Variants in DDC observed in about 807,000 individuals in gnomAD.
DDC encodes dopa decarboxylase.
A neutral mutation model predicts 60.0 loss-of-function variants in DDC; 43 were observed. That is an observed-to-expected ratio of 0.72 (90% CI 0.56 to 0.92). The LOEUF is 0.92. Ranked by LOEUF, DDC falls within the 40% of genes least tolerant of loss-of-function variation. DDC has a pLI of 0.00. For synonymous variants in DDC, 232 were observed against 234.6 expected, an observed-to-expected ratio of 0.99 and a Z score of 0.10; for missense variants, 573 against 620.2, an observed-to-expected ratio of 0.92 and a Z score of 0.81.
At chr7:50,462,360 C>T (rs958187852) in intron 14 of DDC, among the ~76,000 whole-genome samples, 2 of 151,766 alleles carry the variant, frequency 1.3e-5, no homozygotes, top group African/African-American at 4.8e-5. Context: ...ATTTTAAATA[C>T]CCTCCATGTT....
intron 4 of DDC, among the ~76,000 whole-genome samples, chr7:50,534,629 A>T (rs1302786543): frequency 6.6e-6 from 1 of 151,804 alleles, no homozygotes; most frequent in Admixed American, 6.6e-5. Context: ...AAAAAATGAG[A>T]GGAACAAATG....
At chr7:50,532,402 G>A (rs1325880946) in intron 4 of DDC, among the ~76,000 whole-genome samples, 5 of 152,194 alleles carry the variant, frequency 3.3e-5, no homozygotes, top group South Asian at 2.1e-4. Context: ...TTAATGAAAC[G>A]AAAATGCAGC....
intron 4 of DDC, 149 bp from the exon 5 acceptor site, chr7:50,529,491 A>AACTAATATTTTTG (rs1334174095): frequency 1.6e-5 from 15 of 941,512 alleles, no homozygotes; most frequent in Non-Finnish European, 1.1e-5. Flanking sequence ...CTTAGGAGAA[A>AACTAATATTTTTG]ACTAATATTT....
chr7:50,537,104 G>T (rs1304852540), intron 4 of DDC, among the ~76,000 whole-genome samples: 3 of 149,798 alleles, frequency 2.0e-5, no homozygotes, highest in Admixed American at 2.0e-4. Context: ...TGCAACCCCA[G>T]TGGAATAGAA....
rs75571788 is a variant in DDC, at chr7:50,535,233, G to C, written c.435+2627C>G. On this transcript the variant is annotated intron_variant, in intron 4 of 14. Transcript: ENST00000444124. ...GTGCAATGGCAAGGTCTTGGCTCACGGCAACCTCTGCCTCCCAGGTTCAAG... is the reference window on the plus strand; with the variant it reads ...GTGCAATGGCAAGGTCTTGGCTCACCGCAACCTCTGCCTCCCAGGTTCAAG... 2.6e-5 allele frequency among the ~76,000 whole-genome samples: 4 copies of C among 151,234 alleles called. No homozygotes were observed. The South Asian group carries it at 6.3e-4, about 24-fold the overall frequency.
intron 13 of DDC, among the ~76,000 whole-genome samples, chr7:50,465,886 T>C (rs1418630331): frequency 1.3e-5 from 2 of 152,148 alleles, no homozygotes; most frequent in Non-Finnish European, 2.9e-5. Context: ...CCCACAAACA[T>C]CCAGAGCGTG....
At chr7:50,486,602 C>G (rs2042884456) in intron 9 of DDC, among the ~76,000 whole-genome samples, 1 of 152,044 alleles carries the variant, frequency 6.6e-6, no homozygotes, top group Admixed American at 6.6e-5. Context: ...AATTATGTCC[C>G]CCTTCCTCCT....
intron 11 of DDC, among the ~76,000 whole-genome samples, chr7:50,475,435 C>A (rs2042619892): frequency 7.8e-6 from 1 of 128,298 alleles, no homozygotes; most frequent in Non-Finnish European, 1.7e-5. Context: ...TGGTCCCAGG[C>A]AAACTTTGCC....
At chr7:50,521,910 T>A (rs115472718) in intron 6 of DDC, among the ~76,000 whole-genome samples, 1,911 of 152,172 alleles carry the variant, frequency 0.013, 37 homozygotes, top group African/African-American at 0.044. Flanking sequence ...CCTATCAACA[T>A]TGTACTGAGA....
intron 1 of DDC, among the ~76,000 whole-genome samples, chr7:50,556,141 G>C (rs2045180160): frequency 1.3e-5 from 2 of 152,202 alleles, no homozygotes; most frequent in Admixed American, 1.3e-4. Flanking sequence ...GCAGCTCTTG[G>C]CTGGAGGTGA....
intron 6 of DDC, among the ~76,000 whole-genome samples, chr7:50,524,138 G>A: frequency 6.6e-6 from 1 of 152,206 alleles, no homozygotes; most frequent in Middle Eastern, 3.2e-3. Context: ...AAAAAGATTA[G>A]TGGCTGCCAG....
At chr7:50,494,730 C>A (rs978511330) in intron 9 of DDC, among the ~76,000 whole-genome samples, 40 of 151,750 alleles carry the variant, frequency 2.6e-4, no homozygotes, top group Non-Finnish European at 8.8e-5. Flanking sequence ...GGCATGATCT[C>A]GGCTCACTGC....
chr7:50,467,428 C>T (rs2042423617), intron 12 of DDC, 113 bp from the exon 13 acceptor site: 2 of 862,586 alleles, frequency 2.3e-6, no homozygotes, highest in Non-Finnish European at 3.8e-6. Flanking sequence ...ACGCTCTTGG[C>T]AATTTTCCTC....
At chr7:50,494,591 G>GAA (rs562491116) in intron 9 of DDC, among the ~76,000 whole-genome samples, 2,697 of 138,386 alleles carry the variant, frequency 0.019, 154 homozygotes, top group Admixed American at 0.12. Context: ...ACACTGTCTC[G>GAA]AAAAAAAAAA....
intron 6 of DDC, among the ~76,000 whole-genome samples, chr7:50,511,195 AT>A (rs1423816935): frequency 6.6e-6 from 1 of 151,568 alleles, no homozygotes; most frequent in Non-Finnish European, 1.5e-5. Flanking sequence ...TATTAAATAA[AT>A]TACATTTATA....
At chr7:50,467,082 G>T in intron 13 of DDC, 132 bp downstream of exon 13, 1 of 883,850 alleles carries the variant, frequency 1.1e-6, no homozygotes, top group Non-Finnish European at 1.9e-6. Flanking sequence ...AGGCCGGTGG[G>T]CCAAAGAATG....
In DDC at chr7:50,502,588, A is replaced by T. The variant is rs112852034; in HGVS notation, c.781+1405T>A. Among the ~76,000 whole-genome samples the T allele has an allele frequency of 2.8e-3, 432 of 152,240 alleles. 3 individuals carry two copies. Among genetic ancestry groups the T allele is most frequent in the African/African-American group, 9.9e-3 (411 of 41,532 alleles). On this transcript the variant is annotated intron_variant, in intron 7 of 14. Coordinates refer to ENST00000444124, the MANE Select transcript of DDC (RefSeq NM_001082971.2). ...CTGCAGTCCTGAGTCAGCCAGTTCT[A>T]TCCCTTCTCCCCAGCCCGGGGCTGT...
intron 1 of DDC, among the ~76,000 whole-genome samples, chr7:50,558,083 C>G (rs1008268088): frequency 2.6e-5 from 4 of 151,772 alleles, no homozygotes; most frequent in South Asian, 2.1e-4. Flanking sequence ...AATCACCCCC[C>G]CCCTTACAAA....
chr7:50,528,393 G>T, intron 5 of DDC, 113 bp from the exon 6 acceptor site: 2 of 1,321,440 alleles, frequency 1.5e-6, no homozygotes, highest in Non-Finnish European at 2.2e-6. Flanking sequence ...CCTCTTAACG[G>T]CACAGGAGGC....
Sources: gnomAD v4.1 joint callset for allele counts (sites outside exome capture counted in the v4.1 genomes callset) on GRCh38, gnomAD v4.1.1 for gene constraint, MANE v1.5 for transcripts, NCBI Gene and HGNC (gene_info 2026-07-23, HGNC 2026-07-21) for gene names.